SLC35D1: variants seen among roughly 807,000 people sequenced by gnomAD.
SLC35D1 encodes solute carrier family 35 member D1.
SLC35D1 carries 31 observed loss-of-function variants against 46.7 expected under a neutral mutation model. That is an observed-to-expected ratio of 0.66 (90% CI 0.50 to 0.90). The LOEUF (loss-of-function observed/expected upper bound fraction) is 0.90, where lower values mean the gene tolerates loss of function less well. Ranked by LOEUF, SLC35D1 falls within the 40% of genes least tolerant of loss-of-function variation. The pLI is 0.00. For missense variants in SLC35D1, 397 were observed against 426.2 expected, an observed-to-expected ratio of 0.93 and a Z score of 0.60; for synonymous variants, 195 against 164.6, an observed-to-expected ratio of 1.18 and a Z score of -1.41.
At chr1:66,985,718 T>C in the SLC35D1 span, 15 of 984,706 alleles carry the variant, frequency 1.5e-5, no homozygotes, top group Non-Finnish European at 1.8e-5. Context: ...TCATTTTATT[T>C]TGCTAAGGTT....
chr1:67,004,352 T>C lies in SLC35D1; in HGVS notation c.1056A>G (p.Lys352=), dbSNP rs748256779. 1.9e-6 allele frequency: 3 copies of C among 1,613,980 alleles called. No individual in the cohort carries two copies. Among genetic ancestry groups the C allele is most frequent in the Non-Finnish European group, 2.5e-6 (3 of 1,179,884 alleles). The change falls in exon 12 of 12, where the codon AAA becomes AAG. Residue 352 remains lysine (K), a synonymous_variant. Coordinates refer to ENST00000235345, the MANE Select transcript of SLC35D1 (RefSeq NM_015139.3). ...AGCAATCCTCTGGTCACACTGCTCC[T>C]TTCCCCTTAATGTCCAGCTTGTTAT... is the stretch of plus-strand genomic sequence containing the variant. ...EANNKLDIKG[K]GAV
intron 8 of SLC35D1, among the ~76,000 whole-genome samples, chr1:67,024,129 A>G (rs1223100597): frequency 2.6e-5 from 4 of 151,734 alleles, no homozygotes; most frequent in South Asian, 4.2e-4. Context: ...ATTTTTTAGT[A>G]GAGATGGGGT....
At chr1:67,051,097 G>A (rs1175974596) in intron 4 of SLC35D1, among the ~76,000 whole-genome samples, 4 of 152,188 alleles carry the variant, frequency 2.6e-5, no homozygotes, top group South Asian at 4.1e-4. Context: ...CTCTACACAA[G>A]CAGCACTTTG....
At position 67,003,812 on chromosome 1, in the gene SLC35D1, T is replaced by A. The variant is rs1037922994; in HGVS notation, c.*528A>T. On this transcript the variant is annotated 3_prime_UTR_variant, in exon 12 of 12. Coordinates refer to ENST00000235345, the MANE Select transcript of SLC35D1 (RefSeq NM_015139.3). Reference sequence around the variant, plus strand: ...CACTTCAAAGCCCCACATATTTTTATAGTGCCAAAGTTGTTTTCCTTGGCA... The same window carrying A: ...CACTTCAAAGCCCCACATATTTTTAAAGTGCCAAAGTTGTTTTCCTTGGCA... The A allele has an allele frequency of 5.8e-6, 1 of 172,750 alleles. No homozygotes were observed. The highest frequency in any genetic ancestry group is 2.4e-5 in the African/African-American group (1 of 41,626). 10.7% of individuals were successfully genotyped at this position (172,750 alleles called of 1,614,324 possible).
chr1:67,041,225 G>A (rs74872115), intron 8 of SLC35D1, among the ~76,000 whole-genome samples: 1,944 of 152,012 alleles, frequency 0.013, 21 homozygotes, highest in Middle Eastern at 0.031. Context: ...AGAAATAGCC[G>A]TTTCCTACTT....
intron 11 of SLC35D1, chr1:67,008,473 A>G: frequency 3.1e-6 from 4 of 1,287,968 alleles, no homozygotes; most frequent in Non-Finnish European, 4.0e-6. Flanking sequence ...AAAAAAAGAC[A>G]AAGTTACAGT....
chr1:67,046,583 C>CT (rs1645253333), intron 7 of SLC35D1, among the ~76,000 whole-genome samples: 2 of 152,142 alleles, frequency 1.3e-5, no homozygotes, highest in African/African-American at 4.8e-5. Flanking sequence ...AGGACAATTC[C>CT]TTCAATTAGC....
At position 67,053,964 on chromosome 1, in the gene SLC35D1, G is replaced by A. The variant is rs762478600; in HGVS notation, c.50C>T (p.Pro17Leu). 7.4e-6 allele frequency: 12 copies of A among 1,613,568 alleles called. No individual in the cohort carries two copies. The highest frequency in any genetic ancestry group is 1.0e-5 in the Non-Finnish European group (12 of 1,179,626). ...ATCTCGGAGTGTGGAGGATTTCGCG[G>A]GGGCTTCTCCTTTAACCCGAGCATG... The part of the protein sequence containing the change: ...RQHARVKGEA[P>L]AKSSTLRDEE... The change falls in exon 1 of 12, where the codon CCC becomes CTC. Residue 17 changes from proline (P) to leucine (L), a missense_variant. By Grantham distance (98) the Pro-to-Leu change is moderately conservative. Transcript: ENST00000235345.
rs146188416 is a variant in SLC35D1, at chr1:67,027,593, C to A, written c.730-5991G>T. 8.7e-3 allele frequency among the ~76,000 whole-genome samples: 1,322 copies of A among 152,190 alleles called. 10 individuals carry two copies. Among genetic ancestry groups the A allele is most frequent in the Non-Finnish European group, 0.013 (914 of 68,008 alleles). On this transcript the variant is annotated intron_variant, in intron 8 of 11. Transcript: ENST00000235345. ...CCCAGCTACTTTCTTAAGACAGAGG[C>A]TTAGATCACTCATTTTAGATCTTTC...
At position 67,024,643 on chromosome 1, in the gene SLC35D1, T is replaced by C. The variant is rs111910617; in HGVS notation, c.730-3041A>G. Among the ~76,000 whole-genome samples the C allele has an allele frequency of 3.2e-3, 491 of 152,210 alleles. 6 individuals carry two copies. Among genetic ancestry groups the C allele is most frequent in the African/African-American group, 0.011 (465 of 41,532 alleles). On this transcript the variant is annotated intron_variant, in intron 8 of 11. Transcript: ENST00000235345. ...GCTTCTAGTGGTTTGTTGGCAATCTTTGGTATTTTTTTAGCTTGTAGAGGT... is the reference window on the plus strand; with the variant it reads ...GCTTCTAGTGGTTTGTTGGCAATCTCTGGTATTTTTTTAGCTTGTAGAGGT...
chr1:66,988,209 CAGA>C, the SLC35D1 span: 2 of 152,296 alleles, frequency 1.3e-5, no homozygotes, highest in Non-Finnish European at 2.9e-5. Flanking sequence ...ATGTAACATA[CAGA>C]AGAACAGGAG....
At chr1:66,976,746 G>A in the SLC35D1 span, 1 of 1,531,122 alleles carries the variant, frequency 6.5e-7, no homozygotes. Flanking sequence ...TTCCTTAAGA[G>A]CTATATATAC....
At chr1:66,995,455 A>C (rs1667229159), downstream of SLC35D1, among the ~76,000 whole-genome samples, 3 of 56,788 alleles carry the variant, frequency 5.3e-5, no homozygotes, top group Non-Finnish European at 9.6e-5. Flanking sequence ...AAAAAAAAAA[A>C]AAAAAAAAAA....
chr1:66,984,813 T>C, the SLC35D1 span: 4 of 1,613,532 alleles, frequency 2.5e-6, no homozygotes, highest in African/African-American at 5.3e-5. Context: ...TAAACAGCAA[T>C]GGAAAAGAAA....
chr1:67,029,837 C>T (rs999892517), intron 8 of SLC35D1, among the ~76,000 whole-genome samples: 2 of 152,186 alleles, frequency 1.3e-5, no homozygotes, highest in East Asian at 1.9e-4. Flanking sequence ...AGTATGTTTA[C>T]ATTTTAATTG....
At position 67,032,004 on chromosome 1, in the gene SLC35D1, T is replaced by C. The variant is rs576481279; in HGVS notation, c.729+10232A>G. The C allele has an allele frequency of 2.3e-3, 2,149 of 950,106 alleles. 2 individuals carry two copies. Among genetic ancestry groups the C allele is most frequent in the Non-Finnish European group, 2.6e-3 (2,062 of 797,630 alleles). The allele number at this position is 950,106 out of a possible 1,614,324, so 58.9% of individuals were successfully genotyped here. On this transcript the variant is annotated intron_variant, in intron 8 of 11. Coordinates refer to ENST00000235345, the MANE Select transcript of SLC35D1 (RefSeq NM_015139.3). ...TAGAGAAAGCTCTGATAAAGAGCCA[T>C]TGTGAAGAGAATGACCTACCTGGTC...
intron 4 of SLC35D1, among the ~76,000 whole-genome samples, chr1:67,051,292 T>C (rs974601655): frequency 6.6e-6 from 1 of 152,228 alleles, no homozygotes; most frequent in Non-Finnish European, 1.5e-5. Context: ...CTCTCCATTC[T>C]ATTTTACAAT....
At chr1:67,034,826 T>C (rs1668089752) in intron 8 of SLC35D1, among the ~76,000 whole-genome samples, 1 of 152,054 alleles carries the variant, frequency 6.6e-6, no homozygotes, top group South Asian at 2.1e-4. Flanking sequence ...CTGTCATATA[T>C]TGTTTTTCCT....
intron 8 of SLC35D1, among the ~76,000 whole-genome samples, chr1:67,039,083 T>C (rs1377094958): frequency 6.6e-6 from 1 of 152,196 alleles, no homozygotes; most frequent in Non-Finnish European, 1.5e-5. Context: ...AGCCCCCTTG[T>C]TGGATTCTTG....
Sources: gnomAD v4.1 joint callset for allele counts (sites outside exome capture counted in the v4.1 genomes callset) on GRCh38, gnomAD v4.1.1 for gene constraint, MANE v1.5 for transcripts, NCBI Gene and HGNC (gene_info 2026-07-23, HGNC 2026-07-21) for gene names.